The following NMBR variants were observed in gnomAD, a reference collection of about 807,000 sequenced individuals.
NMBR encodes neuromedin B receptor.
In NMBR, 16 loss-of-function variants were observed where a neutral mutation model predicts 20.5. The observed-to-expected ratio is 0.78, with a 90% confidence interval of 0.53 to 1.19. The LOEUF is 1.19. Among genes scored for constraint, NMBR ranks in the 50% most tolerant of loss-of-function variants. The probability of loss-of-function intolerance (pLI) is 0.00; values close to 1 mark genes in which losing one functional copy is unlikely to be tolerated. For synonymous variants in NMBR, 212 were observed against 196.6 expected (o/e 1.08, Z -0.65); for missense variants, 582 against 499.1 (o/e 1.17, Z -1.58).
chr6:142,079,050 AAG>A (rs1400277559), intron 2 of NMBR, 147 bp from the exon 3 acceptor site: 4 of 444,392 alleles, frequency 9.0e-6, no homozygotes, highest in African/African-American at 2.1e-5. Context: ...GAGAGAAAGA[AAG>A]AGAGAAAGAG....
intron 2 of NMBR, among the ~76,000 whole-genome samples, chr6:142,079,139 A>AAGAAAGAAAGAAAGAAAGAG (rs1562390282): frequency 6.7e-5 from 7 of 103,712 alleles, no homozygotes; most frequent in African/African-American, 3.0e-4. Flanking sequence ...GAAAGAAAGA[A>AAGAAAGAAAGAAAGAAAGAG]AGAAAAAGAA....
At chr6:142,097,321 T>C (rs1474743453) in intron 1 of NMBR, among the ~76,000 whole-genome samples, 3 of 152,200 alleles carry the variant, frequency 2.0e-5, no homozygotes, top group African/African-American at 7.2e-5. Flanking sequence ...CAGTTGTTCC[T>C]TTCCATGTTT....
chr6:142,126,558 CAT>C (rs1178383888), intron 1 of NMBR, among the ~76,000 whole-genome samples: 1 of 151,826 alleles, frequency 6.6e-6, no homozygotes, highest in African/African-American at 2.4e-5. Flanking sequence ...CTTTTCTCTA[CAT>C]CTTACCAACA....
intron 1 of NMBR, among the ~76,000 whole-genome samples, chr6:142,092,334 C>T (rs1368043861): frequency 1.3e-5 from 2 of 151,796 alleles, no homozygotes; most frequent in Non-Finnish European, 2.9e-5. Flanking sequence ...GTAGATAATA[C>T]TGGGAAAACT....
intron 1 of NMBR, among the ~76,000 whole-genome samples, chr6:142,091,964 A>G (rs952982993): frequency 2.0e-5 from 3 of 152,164 alleles, no homozygotes; most frequent in Admixed American, 1.3e-4. Flanking sequence ...TGTAATCCTC[A>G]TCTGCTTCAA....
intron 1 of NMBR, among the ~76,000 whole-genome samples, chr6:142,098,679 T>C (rs1199774173): frequency 6.6e-6 from 1 of 152,074 alleles, no homozygotes; most frequent in Admixed American, 6.6e-5. Context: ...ACTAAATAAA[T>C]AAAAAGATAT....
At position 142,088,564 on chromosome 6, in the gene NMBR, G is replaced by C. The variant is rs144094965; in HGVS notation, c.95C>G (p.Ala32Gly). ...PEGWERDFLPASDGTTTELVI... is the reference protein window; with the variant it reads ...PEGWERDFLPGSDGTTTELVI... Reference sequence around the variant, plus strand: ...CAACTCCGTGGTGGTCCCGTCCGAGGCCGGCAGGAAATCCCTTTCCCACCC... The same window carrying C: ...CAACTCCGTGGTGGTCCCGTCCGAGCCCGGCAGGAAATCCCTTTCCCACCC... Residue 32 changes from alanine to glycine, a missense_variant, in exon 2 of 4, where the codon GCC (alanine) becomes GGC (glycine). Coordinates refer to ENST00000258042, the MANE Select transcript of NMBR (RefSeq NM_002511.4). 157 of 1,613,702 alleles carry C rather than the reference G, an allele frequency of 9.7e-5. No homozygotes were observed. The African/African-American group carries it at 2.0e-3, about 20-fold the overall frequency.
chr6:142,135,898 T>A (rs1246951517), intron 1 of NMBR, among the ~76,000 whole-genome samples: 1 of 151,930 alleles, frequency 6.6e-6, no homozygotes, highest in South Asian at 2.1e-4. Flanking sequence ...TCTATCATTG[T>A]TGGACATTTG....
chr6:142,082,474 T>G (rs1777119125), intron 2 of NMBR, among the ~76,000 whole-genome samples: 1 of 152,164 alleles, frequency 6.6e-6, no homozygotes, highest in African/African-American at 2.4e-5. Context: ...GACGCATCAA[T>G]ATTCAGAAAC....
chr6:142,092,064 G>A (rs1330416856), intron 1 of NMBR, among the ~76,000 whole-genome samples: 1 of 151,996 alleles, frequency 6.6e-6, no homozygotes, highest in Non-Finnish European at 1.5e-5. Context: ...CATGACAAAG[G>A]CAAGTATACT....
intron 1 of NMBR, among the ~76,000 whole-genome samples, chr6:142,131,781 C>T (rs1183575675): frequency 6.6e-6 from 1 of 152,154 alleles, no homozygotes; most frequent in Non-Finnish European, 1.5e-5. Context: ...TCTACACATG[C>T]AATTAAGGTT....
chr6:142,102,629 T>G (rs1434597856), intron 1 of NMBR, among the ~76,000 whole-genome samples: 1 of 152,190 alleles, frequency 6.6e-6, no homozygotes, highest in Non-Finnish European at 1.5e-5. Flanking sequence ...AACAATGTTC[T>G]CTTTAACCTG....
intron 1 of NMBR, among the ~76,000 whole-genome samples, chr6:142,092,348 G>C (rs927870984): frequency 6.6e-6 from 1 of 152,008 alleles, no homozygotes; most frequent in Non-Finnish European, 1.5e-5. Context: ...GAAAACTGTT[G>C]CACAGGCAAG....
chr6:142,082,139 A>T (rs112245894), intron 2 of NMBR, among the ~76,000 whole-genome samples: 81 of 152,326 alleles, frequency 5.3e-4, no homozygotes, highest in African/African-American at 1.9e-3. Context: ...CTTTCTAATG[A>T]CACTACCCAA....
chr6:142,121,714 G>A (rs977247497), intron 1 of NMBR, among the ~76,000 whole-genome samples: 4 of 150,518 alleles, frequency 2.7e-5, no homozygotes, highest in East Asian at 4.0e-4. Flanking sequence ...AAAAAAATAC[G>A]CTAAAACATA....
chr6:142,090,762 A>C (rs1777307105), intron 1 of NMBR, among the ~76,000 whole-genome samples: 11 of 151,744 alleles, frequency 7.2e-5, no homozygotes, highest in Admixed American at 7.2e-4. Flanking sequence ...AAATTACTAA[A>C]GCAATCTTCT....
rs35134315 is a variant in NMBR at position 142,075,109 on chromosome 6, T to TACAC, written c.*535_*538dup. Among the ~76,000 whole-genome samples, 163 of 149,976 alleles carry TACAC rather than the reference T, an allele frequency of 1.1e-3. 1 individual carries two copies. The highest frequency in any genetic ancestry group is 2.2e-3 in the East Asian group (11 of 5,054). ...ACATATATACATATACATATATATA[T>TACAC]ACACACACACACACACTCATGCAAT... is the stretch of plus-strand genomic sequence containing the variant. On this transcript the variant is annotated 3_prime_UTR_variant, in exon 4 of 4. Transcript: ENST00000258042.
intron 1 of NMBR, among the ~76,000 whole-genome samples, chr6:142,128,189 T>C (rs1778072745): frequency 6.6e-6 from 1 of 152,056 alleles, no homozygotes; most frequent in Admixed American, 6.6e-5. Flanking sequence ...ACTCTGGCTG[T>C]ACAAATAAAT....
rs1387658124 is a variant in NMBR at position 142,074,927 on chromosome 6, A to C, written c.*721T>G. 6.6e-6 allele frequency among the ~76,000 whole-genome samples: 1 copy of C among 152,022 alleles called. No individual in the cohort carries two copies. Among genetic ancestry groups the C allele is most frequent in the African/African-American group, 2.4e-5 (1 of 41,408 alleles). ...ATCTATTTTATAATTCATAATATTA[A>C]TTTCATTATATCTGTTAATCACATA... On this transcript the variant is annotated 3_prime_UTR_variant, in exon 4 of 4. Transcript: ENST00000258042.
Sources: allele counts gnomAD v4.1 joint callset (sites outside exome capture counted in the v4.1 genomes callset), GRCh38; gene constraint gnomAD v4.1.1; transcripts MANE v1.5; gene names NCBI Gene and HGNC (gene_info 2026-07-23, HGNC 2026-07-21).